The following ANK3 variants were observed in gnomAD, a reference collection of about 807,000 sequenced individuals.
ANK3 encodes the protein ankyrin-3.
A neutral mutation model predicts 370.9 loss-of-function variants in ANK3; 57 were observed. The observed-to-expected ratio is 0.15, with a 90% CI of 0.12 to 0.19. The LOEUF is 0.19. Among genes scored for constraint, ANK3 ranks in the 10% least tolerant of loss-of-function variants. ANK3 has a pLI of 1.00. For missense variants in ANK3, 4,439 were observed against 5,302.1 expected (o/e 0.84, Z 5.06); for synonymous variants, 1,929 against 1,946.3 (o/e 0.99, Z 0.23).
chr10:60,188,456 G>A (rs1024840229), intron 16 of ANK3, among the ~76,000 whole-genome samples: 2 of 152,122 alleles, frequency 1.3e-5, no homozygotes, highest in Admixed American at 6.5e-5. Flanking sequence ...TTTAGAAAAA[G>A]AAAATAGAAT....
In ANK3 at chr10:60,359,160, G is replaced by A. The variant is rs552923510; in HGVS notation, c.114+30265C>T. On this transcript the variant is annotated intron_variant, in intron 1 of 43. Transcript: ENST00000280772. ...TGTCTGACACTAGGGAGGTGCTCAAGGAATGCCTGATGTCTGCTTGCATGC... is the reference window on the plus strand; with the variant it reads ...TGTCTGACACTAGGGAGGTGCTCAAAGAATGCCTGATGTCTGCTTGCATGC... 2.0e-5 allele frequency among the ~76,000 whole-genome samples: 3 copies of A among 152,192 alleles called. No individual in the cohort carries two copies. In the South Asian group the frequency reaches 6.2e-4, roughly 32 times the overall value.
intron 7 of ANK3, among the ~76,000 whole-genome samples, chr10:60,247,330 T>G (rs1241895434): frequency 6.6e-6 from 1 of 152,036 alleles, no homozygotes; most frequent in Non-Finnish European, 1.5e-5. Context: ...GCCCAGTGAT[T>G]TTCAATATAC....
At chr10:60,038,962 T>TC (rs900610070) in intron 43 of ANK3, among the ~76,000 whole-genome samples, 1 of 152,218 alleles carries the variant, frequency 6.6e-6, no homozygotes, top group African/African-American at 2.4e-5. Context: ...TGTCATGATT[T>TC]CAGAGAGACC....
chr10:60,322,171 CAA>C (rs1328337869), intron 1 of ANK3, among the ~76,000 whole-genome samples: 5 of 152,016 alleles, frequency 3.3e-5, no homozygotes, highest in Non-Finnish European at 7.4e-5. Flanking sequence ...CATTTTTTTA[CAA>C]ACTTTTAAGC....
intron 11 of ANK3, among the ~76,000 whole-genome samples, chr10:60,204,873 G>T (rs1057206568): frequency 2.0e-5 from 3 of 152,074 alleles, no homozygotes; most frequent in African/African-American, 7.2e-5. Flanking sequence ...AGTGAGCGGG[G>T]GTTTCCTGAA....
At chr10:60,273,542 T>C (rs2098035389) in intron 4 of ANK3, among the ~76,000 whole-genome samples, 1 of 152,208 alleles carries the variant, frequency 6.6e-6, no homozygotes, top group Admixed American at 6.5e-5. Flanking sequence ...TTTCTCTCTC[T>C]AGTTTTGCCT....
chr10:60,060,265 C>T (rs567021440), intron 40 of ANK3: 1 of 287,110 alleles, frequency 3.5e-6, no homozygotes, highest in South Asian at 1.1e-4. Context: ...AGTAAATATG[C>T]ACACTAATCC....
intron 2 of ANK3, among the ~76,000 whole-genome samples, chr10:60,536,554 G>A (rs942519584): frequency 6.6e-6 from 1 of 151,832 alleles, no homozygotes; most frequent in Non-Finnish European, 1.5e-5. Context: ...GGAGAGGAAC[G>A]TTCTTTTCTG....
intron 21 of ANK3, 71 bp downstream of exon 21, chr10:60,172,237 C>T (rs1369084073): frequency 8.2e-7 from 1 of 1,217,560 alleles, no homozygotes; most frequent in Non-Finnish European, 1.2e-6. Context: ...AAATATTCAT[C>T]TCAGAAAAAC....
At chr10:60,649,081 T>C (rs989015938) in intron 1 of ANK3, among the ~76,000 whole-genome samples, 14 of 152,174 alleles carry the variant, frequency 9.2e-5, no homozygotes, top group African/African-American at 2.9e-4. Context: ...TGGCTAATTT[T>C]CTGTGCAGAA....
At chr10:60,076,487 T>C in intron 36 of ANK3, 39 bp from the exon 37 acceptor site, 1 of 1,524,400 alleles carries the variant, frequency 6.6e-7, no homozygotes, top group South Asian at 1.3e-5. Flanking sequence ...AACACAAAAA[T>C]CAACAAAAAT....
At chr10:60,317,967 C>T (rs916424509) in intron 1 of ANK3, among the ~76,000 whole-genome samples, 13 of 151,872 alleles carry the variant, frequency 8.6e-5, no homozygotes, top group African/African-American at 2.7e-4. Flanking sequence ...CAGCCCGCCT[C>T]GGCCTTCATG....
chr10:60,150,176 G>A (rs556235346), intron 23 of ANK3, among the ~76,000 whole-genome samples: 81 of 152,066 alleles, frequency 5.3e-4, no homozygotes, highest in African/African-American at 8.7e-4. Context: ...TTCCAGAACC[G>A]CTTCTCTTCC....
At chr10:60,731,546 G>C (rs115425206) in intron 1 of ANK3, among the ~76,000 whole-genome samples, 3,249 of 152,352 alleles carry the variant, frequency 0.021, 132 homozygotes, top group African/African-American at 0.074. Flanking sequence ...AGAACTAAGA[G>C]AAGTTGGCCC....
chr10:60,346,249 T>C (rs1390915911), intron 1 of ANK3, among the ~76,000 whole-genome samples: 1 of 151,984 alleles, frequency 6.6e-6, no homozygotes, highest in Non-Finnish European at 1.5e-5. Context: ...GTATAATTTA[T>C]ACTTTTGTGT....
chr10:60,098,148 CA>C (rs569228155), intron 28 of ANK3, among the ~76,000 whole-genome samples: 37 of 149,386 alleles, frequency 2.5e-4, no homozygotes, highest in Admixed American at 6.0e-4. Flanking sequence ...ATGGATATGA[CA>C]AAAAAAAATG....
At chr10:60,713,130 C>T (rs2079733312) in intron 1 of ANK3, among the ~76,000 whole-genome samples, 1 of 152,098 alleles carries the variant, frequency 6.6e-6, no homozygotes, top group Non-Finnish European at 1.5e-5. Context: ...TCATGGAGTA[C>T]TTCATCTAAC....
intron 11 of ANK3, 94 bp from the exon 12 acceptor site, chr10:60,203,194 A>G: frequency 4.0e-6 from 3 of 753,940 alleles, no homozygotes; most frequent in Non-Finnish European, 6.9e-6. Context: ...CACCCATCTA[A>G]ATCAGTTTAA....
chr10:60,191,188 G>A (rs571992676), intron 16 of ANK3, among the ~76,000 whole-genome samples: 57 of 152,166 alleles, frequency 3.7e-4, no homozygotes, highest in African/African-American at 1.3e-3. Context: ...AAAAATTCAC[G>A]ACTAAGACCT....
Sources: gnomAD v4.1 joint callset for allele counts (sites outside exome capture counted in the v4.1 genomes callset) on GRCh38, gnomAD v4.1.1 for gene constraint, MANE v1.5 for transcripts, NCBI Gene and HGNC (gene_info 2026-07-23, HGNC 2026-07-21) for gene names.